ROBO2: variants seen among roughly 807,000 people sequenced by gnomAD.
ROBO2 encodes the protein roundabout guidance receptor 2.
ROBO2 carries 53 observed loss-of-function variants against 160.8 expected under a neutral mutation model. That is an observed-to-expected ratio of 0.33 (90% CI 0.26 to 0.41). The LOEUF (loss-of-function observed/expected upper bound fraction) is 0.41. Among genes scored for constraint, ROBO2 ranks in the 10% least tolerant of loss-of-function variants. ROBO2 has a pLI of 1.00. For synonymous variants in ROBO2, 664 were observed against 611.7 expected (o/e 1.09, Z -1.26); for missense variants, 1,577 against 1,722.4 (o/e 0.92, Z 1.49).
chr3:76,491,317 T>C (rs2079813199), intron 2 of ROBO2, among the ~76,000 whole-genome samples: 1 of 152,168 alleles, frequency 6.6e-6, no homozygotes, highest in South Asian at 2.1e-4. Context: ...TGATCTCCCT[T>C]ATCCCATTCC....
chr3:76,003,172 TCTC>T (rs2065935006), intron 2 of ROBO2, among the ~76,000 whole-genome samples: 1 of 152,152 alleles, frequency 6.6e-6, no homozygotes, highest in Non-Finnish European at 1.5e-5. Context: ...GTTGACTGCT[TCTC>T]ATGATGCACA....
chr3:76,232,426 T>C (rs1287021936), intron 2 of ROBO2, among the ~76,000 whole-genome samples: 1 of 152,228 alleles, frequency 6.6e-6, no homozygotes, highest in Non-Finnish European at 1.5e-5. Flanking sequence ...AGCAACAACG[T>C]ATTTGAACCT....
At chr3:76,653,189 G>T (rs1484430442) in intron 2 of ROBO2, among the ~76,000 whole-genome samples, 1 of 151,686 alleles carries the variant, frequency 6.6e-6, no homozygotes, top group Non-Finnish European at 1.5e-5. Flanking sequence ...TCTGTATTAT[G>T]TATCAATTAA....
At chr3:76,549,560 T>C (rs1192800506) in intron 2 of ROBO2, among the ~76,000 whole-genome samples, 1 of 152,222 alleles carries the variant, frequency 6.6e-6, no homozygotes, top group Non-Finnish European at 1.5e-5. Flanking sequence ...ATGTAACAAG[T>C]AGAGCAGAAA....
chr3:77,001,398 A>G (rs944077694), intron 2 of ROBO2, among the ~76,000 whole-genome samples: 1 of 152,160 alleles, frequency 6.6e-6, no homozygotes, highest in African/African-American at 2.4e-5. Flanking sequence ...CTGAAACACA[A>G]TTTCATCGGT....
At chr3:76,628,747 A>T (rs1466672363) in intron 2 of ROBO2, among the ~76,000 whole-genome samples, 2 of 152,218 alleles carry the variant, frequency 1.3e-5, no homozygotes, top group Admixed American at 1.3e-4. Context: ...TGTGACTCAC[A>T]TCTATCAATT....
At chr3:76,397,020 A>G (rs951257888) in intron 2 of ROBO2, among the ~76,000 whole-genome samples, 13 of 152,192 alleles carry the variant, frequency 8.5e-5, no homozygotes, top group Non-Finnish European at 2.9e-5. Context: ...CGCCAAGTCA[A>G]TCCTAAGCCA....
intron 2 of ROBO2, among the ~76,000 whole-genome samples, chr3:76,340,645 A>G (rs1317566079): frequency 6.6e-6 from 1 of 152,166 alleles, no homozygotes. Context: ...AATATTATAT[A>G]GCTTCCCATT....
chr3:76,488,589 G>A (rs949178055), intron 2 of ROBO2, among the ~76,000 whole-genome samples: 4 of 152,082 alleles, frequency 2.6e-5, no homozygotes, highest in Non-Finnish European at 5.9e-5. Flanking sequence ...GATTTAAAGG[G>A]CTCATGTGAT....
intron 2 of ROBO2, among the ~76,000 whole-genome samples, chr3:76,399,093 A>G (rs527708096): frequency 1.0e-3 from 159 of 151,986 alleles, no homozygotes; most frequent in African/African-American, 3.7e-3. Flanking sequence ...GCACGCAAGC[A>G]TAATATAATT....
chr3:77,373,791 T>G (rs923021849), intron 2 of ROBO2, among the ~76,000 whole-genome samples: 3 of 151,694 alleles, frequency 2.0e-5, no homozygotes, highest in African/African-American at 4.8e-5. Flanking sequence ...TACCTTGCTC[T>G]TGTCTGAGCC....
intron 2 of ROBO2, among the ~76,000 whole-genome samples, chr3:76,044,193 G>A (rs1179431357): frequency 6.6e-6 from 1 of 152,040 alleles, no homozygotes; most frequent in African/African-American, 2.4e-5. Flanking sequence ...GAAAATAGCA[G>A]CAAAGGAAGA....
intron 2 of ROBO2, among the ~76,000 whole-genome samples, chr3:76,007,175 T>C (rs2066045037): frequency 6.6e-6 from 1 of 152,138 alleles, no homozygotes; most frequent in African/African-American, 2.4e-5. Context: ...TATATATTGC[T>C]ATAAGTTGTA....
At chr3:76,775,387 G>A (rs1429178638) in intron 2 of ROBO2, among the ~76,000 whole-genome samples, 1 of 150,786 alleles carries the variant, frequency 6.6e-6, no homozygotes, top group Non-Finnish European at 1.5e-5. Context: ...AAACATTGAA[G>A]CTTTGAATTT....
At chr3:77,560,159 C>G (rs1415675879) in intron 9 of ROBO2, among the ~76,000 whole-genome samples, 1 of 152,004 alleles carries the variant, frequency 6.6e-6, no homozygotes, top group Non-Finnish European at 1.5e-5. Context: ...TGATGTCAAA[C>G]AAACTTTGAG....
Position 77,481,178 on chromosome 3 carries a change from TG to T in ROBO2, c.629del (p.Gly210GlufsTer10). The T allele has an allele frequency of 6.2e-7, 1 of 1,607,090 alleles. No homozygotes were observed. The highest frequency in any genetic ancestry group is 8.5e-7 in the Non-Finnish European group (1 of 1,176,930). ...TATACTTGTGTTGGTACCAATATGG[TG>T]GGAGAAAGGGACAGTGACCCAGCAG... On this transcript the variant is annotated frameshift_variant, in exon 4 of 26. Transcript: ENST00000461745. LOFTEE classifies it high-confidence loss of function.
At chr3:77,156,273 G>A (rs2078000392) in intron 2 of ROBO2, among the ~76,000 whole-genome samples, 1 of 151,936 alleles carries the variant, frequency 6.6e-6, no homozygotes, top group African/African-American at 2.4e-5. Flanking sequence ...AAAATGCATG[G>A]CAAATGTTGT....
At chr3:77,493,896 T>A (rs1160912654) in intron 5 of ROBO2, among the ~76,000 whole-genome samples, 1 of 152,182 alleles carries the variant, frequency 6.6e-6, no homozygotes, top group East Asian at 1.9e-4. Flanking sequence ...ATAGGGGATT[T>A]CCAACACAGA....
chr3:76,238,705 G>C (rs1301832302), intron 2 of ROBO2, among the ~76,000 whole-genome samples: 1 of 151,538 alleles, frequency 6.6e-6, no homozygotes, highest in South Asian at 2.1e-4. Flanking sequence ...ACTCCCCCCA[G>C]GTCTCCCCCT....
Sources: allele counts gnomAD v4.1 joint callset (sites outside exome capture counted in the v4.1 genomes callset), GRCh38; gene constraint gnomAD v4.1.1; transcripts MANE v1.5; gene names NCBI Gene and HGNC (gene_info 2026-07-23, HGNC 2026-07-21).